The following TLL2 variants were observed in gnomAD, a reference collection of about 807,000 sequenced individuals.
TLL2 encodes tolloid-like protein 2.
In TLL2, 106 loss-of-function variants were observed where a neutral mutation model predicts 123.0. The ratio of observed to expected loss-of-function variants is 0.86; its 90% CI spans 0.74 to 1.01. The LOEUF (loss-of-function observed/expected upper bound fraction) is 1.01. Ranked by LOEUF, TLL2 falls within the 50% of genes least tolerant of loss-of-function variation. The pLI, the probability that TLL2 is intolerant of heterozygous loss-of-function variation, is 0.00. For missense variants in TLL2, 1,332 were observed against 1,336.7 expected (o/e 1.00, Z 0.06); for synonymous variants, 494 against 516.8 (o/e 0.96, Z 0.60).
At position 96,476,312 on chromosome 10, in the gene TLL2, C is replaced by G. The variant is rs1190829116; in HGVS notation, c.286+4037G>C. Among the ~76,000 whole-genome samples, 6 of 145,962 alleles carry G rather than the reference C, an allele frequency of 4.1e-5. No homozygotes were observed. The South Asian group carries it at 1.1e-3, about 27-fold the overall frequency. On this transcript the variant is annotated intron_variant, in intron 2 of 20. Transcript: ENST00000357947. ...GTCACTCAGATGTAGTGCAGTGGTA[C>G]GATCTTGGCTAGTGAAATCGTACTA...
chr10:96,454,942 G>A (rs1169759269), intron 2 of TLL2, among the ~76,000 whole-genome samples: 2 of 152,174 alleles, frequency 1.3e-5, no homozygotes, highest in Admixed American at 6.6e-5. Flanking sequence ...ACCAAGTTCA[G>A]TCTGAGAACC....
chr10:96,387,296 G>T (rs371596609), intron 13 of TLL2, among the ~76,000 whole-genome samples: 2 of 152,338 alleles, frequency 1.3e-5, no homozygotes, highest in East Asian at 3.9e-4. Context: ...CACCTTGTTA[G>T]CTGGGGTAGG....
At chr10:96,433,031 A>G (rs1846760802) in intron 3 of TLL2, 69 bp from the exon 4 acceptor site, 2 of 1,557,154 alleles carry the variant, frequency 1.3e-6, no homozygotes, top group African/African-American at 2.7e-5. Context: ...CTGAGGTTGT[A>G]TTATCCACAA....
intron 4 of TLL2, among the ~76,000 whole-genome samples, chr10:96,429,598 G>A (rs567753550): frequency 3.3e-5 from 5 of 152,128 alleles, no homozygotes; most frequent in Non-Finnish European, 5.9e-5. Flanking sequence ...CAGGTTTTTC[G>A]ATTTGGAAAC....
At chr10:96,370,806 AC>A (rs1362653187) in intron 19 of TLL2, among the ~76,000 whole-genome samples, 4 of 152,054 alleles carry the variant, frequency 2.6e-5, no homozygotes, top group African/African-American at 7.2e-5. Context: ...AACCCTGGAA[AC>A]CTCAGACCCT....
chr10:96,373,742 C>T lies in TLL2; in HGVS notation c.2516G>A (p.Gly839Glu). ...CAYDHLEMYDGPDSLAPILGR... is the reference protein window; with the variant it reads ...CAYDHLEMYDEPDSLAPILGR... ...CAGAATGGGGGCCAGGCTGTCCGGC[C>T]CGTCATACATTTCCAGGTGGTCATA... The change falls in exon 19 of 21, where the codon GGG becomes GAG. Residue 839 changes from glycine (G) to glutamate (E), a missense_variant. Physicochemically the swap from Gly to Glu is moderately conservative, Grantham distance 98. Coordinates refer to ENST00000357947, the MANE Select transcript of TLL2 (RefSeq NM_012465.4). The T allele has an allele frequency of 6.2e-7, 1 of 1,614,250 alleles. No homozygotes were observed. Among genetic ancestry groups the T allele is most frequent in the East Asian group, 2.2e-5 (1 of 44,888 alleles).
chr10:96,376,654 C>A, intron 18 of TLL2, 38 bp downstream of exon 18: 1 of 1,605,734 alleles, frequency 6.2e-7, no homozygotes, highest in South Asian at 1.1e-5. Flanking sequence ...GCCTGATACT[C>A]AAGTCCACAT....
intron 4 of TLL2, among the ~76,000 whole-genome samples, chr10:96,428,962 G>A (rs12765987): frequency 0.036 from 5,481 of 151,944 alleles, 132 homozygotes; most frequent in Middle Eastern, 0.092. Flanking sequence ...GTGCCACCAC[G>A]CCCGGCTAAT....
chr10:96,463,999 C>G (rs10786292), intron 2 of TLL2, among the ~76,000 whole-genome samples: 81,937 of 152,042 alleles, frequency 0.54, 22,590 homozygotes, highest in Middle Eastern at 0.66. Flanking sequence ...CCCTCTCTCA[C>G]GGCACTGGAG....
chr10:96,466,961 T>A (rs1847137945), intron 2 of TLL2, among the ~76,000 whole-genome samples: 1 of 152,180 alleles, frequency 6.6e-6, no homozygotes. Flanking sequence ...ATCTTCAAGG[T>A]CTGTCATGTC....
chr10:96,426,774 T>G (rs2134078122), intron 5 of TLL2, among the ~76,000 whole-genome samples: 1 of 152,268 alleles, frequency 6.6e-6, no homozygotes, highest in Middle Eastern at 3.4e-3. Context: ...TCAATTAAAC[T>G]AACAAGTGGT....
intron 13 of TLL2, among the ~76,000 whole-genome samples, chr10:96,392,080 T>C (rs1846295197): frequency 6.6e-6 from 1 of 152,208 alleles, no homozygotes; most frequent in Non-Finnish European, 1.5e-5. Context: ...ACAATCATTG[T>C]GTGCTTTCCT....
intron 12 of TLL2, among the ~76,000 whole-genome samples, chr10:96,395,628 C>T (rs1846332666): frequency 6.6e-6 from 1 of 152,168 alleles, no homozygotes; most frequent in South Asian, 2.1e-4. Context: ...TTCCCTGGAT[C>T]CCATCCTGAA....
intron 6 of TLL2, among the ~76,000 whole-genome samples, chr10:96,421,326 T>C (rs1444220024): frequency 1.3e-5 from 2 of 152,088 alleles, no homozygotes; most frequent in East Asian, 3.9e-4. Flanking sequence ...GCAGACAGAT[T>C]AGTTATCAAC....
rs766016596 is a variant in TLL2 at position 96,373,691 on chromosome 10, G to A, written c.2567C>T (p.Pro856Leu). Residue 856 changes from proline (P) to leucine (L), a missense_variant, in exon 19 of 21, where the codon CCA (proline) becomes CTA (leucine). Coordinates refer to ENST00000357947, the MANE Select transcript of TLL2 (RefSeq NM_012465.4). ...ILGRFCGSKK[P>L]DPTVASGSSM... is the part of the protein sequence containing the mutation. ...GCTGCCGGAAGCCACCGTGGGGTCTGGTTTCTTGCTGCCGCAGAAACGGCC... is the reference window on the plus strand; with the variant it reads ...GCTGCCGGAAGCCACCGTGGGGTCTAGTTTCTTGCTGCCGCAGAAACGGCC... 6.2e-7 allele frequency: 1 copy of A among 1,614,266 alleles called. No homozygotes were observed. Among genetic ancestry groups the A allele is most frequent in the Non-Finnish European group, 8.5e-7 (1 of 1,180,046 alleles).
At chr10:96,404,224 T>TGA (rs1564899811) in intron 10 of TLL2, among the ~76,000 whole-genome samples, 2 of 146,766 alleles carry the variant, frequency 1.4e-5, no homozygotes, top group Non-Finnish European at 3.0e-5. Flanking sequence ...TCATCCCACC[T>TGA]GACTAGAAAT....
At chr10:96,443,141 A>C (rs1345720239) in intron 3 of TLL2, among the ~76,000 whole-genome samples, 20 of 152,220 alleles carry the variant, frequency 1.3e-4, no homozygotes, top group Admixed American at 1.3e-3. Context: ...CAAGGGGGGA[A>C]GGTGGTAGAT....
intron 1 of TLL2, among the ~76,000 whole-genome samples, chr10:96,495,145 A>T (rs1847458285): frequency 6.6e-6 from 1 of 152,182 alleles, no homozygotes; most frequent in South Asian, 2.1e-4. Context: ...GATGTTCCAT[A>T]AGATAGTCAC....
rs12244513 is a variant in TLL2 at position 96,478,066 on chromosome 10, G to T, written c.286+2283C>A. ...GTCCACCTTGAGCAAGTGGCATGAG[G>T]GAGAAGGCAGGGCTGCTGGGCTTCC... On this transcript the variant is annotated intron_variant, in intron 2 of 20. Coordinates refer to ENST00000357947, the MANE Select transcript of TLL2 (RefSeq NM_012465.4). Among the ~76,000 whole-genome samples the T allele has an allele frequency of 9.3e-3, 1,420 of 152,322 alleles. 26 individuals are homozygous for T. Among genetic ancestry groups the T allele is most frequent in the African/African-American group, 0.032 (1,319 of 41,570 alleles).
Sources: gnomAD v4.1 joint callset for allele counts (sites outside exome capture counted in the v4.1 genomes callset) on GRCh38, gnomAD v4.1.1 for gene constraint, MANE v1.5 for transcripts, NCBI Gene and HGNC (gene_info 2026-07-23, HGNC 2026-07-21) for gene names.